The following SLC12A8 variants were observed in gnomAD, a reference collection of about 807,000 sequenced individuals.
SLC12A8 encodes the protein solute carrier family 12 member 8, also known as cation-chloride cotransporter 9.
A neutral mutation model predicts 75.6 loss-of-function variants in SLC12A8; 69 were observed. The observed-to-expected ratio is 0.91, with a 90% CI of 0.75 to 1.11. The LOEUF is 1.11. Among genes scored for constraint, SLC12A8 ranks in the 50% most tolerant of loss-of-function variants. The pLI is 0.00. For missense variants in SLC12A8, 877 were observed against 896.7 expected (o/e 0.98, Z 0.28); for synonymous variants, 365 against 372.8 (o/e 0.98, Z 0.24).
intron 5 of SLC12A8, among the ~76,000 whole-genome samples, chr3:125,161,365 CT>C (rs1560072133): frequency 6.6e-6 from 1 of 152,342 alleles, no homozygotes; most frequent in East Asian, 1.9e-4. Flanking sequence ...CTAAATTTGT[CT>C]TGCCTGGCGT....
intron 6 of SLC12A8, among the ~76,000 whole-genome samples, chr3:125,128,024 G>A (rs1933250790): frequency 6.6e-6 from 1 of 150,588 alleles, no homozygotes; most frequent in Non-Finnish European, 1.5e-5. Flanking sequence ...CTACAGGCAT[G>A]TACCATGCTT....
chr3:125,128,921 T>C (rs770856546), intron 6 of SLC12A8, among the ~76,000 whole-genome samples: 2 of 152,140 alleles, frequency 1.3e-5, no homozygotes, highest in South Asian at 4.1e-4. Flanking sequence ...AGCCAGCCAA[T>C]TGGAGGGCCC....
intron 5 of SLC12A8, among the ~76,000 whole-genome samples, chr3:125,166,946 G>C (rs901097404): frequency 1.3e-4 from 20 of 152,148 alleles, no homozygotes; most frequent in Admixed American, 1.2e-3. Context: ...ATGAGCCTCC[G>C]GACAGTGGTC....
rs1938385890 is a variant in SLC12A8, at chr3:125,083,719, CT to C, written c.*170del. 1 of 651,988 alleles carries C rather than the reference CT, an allele frequency of 1.5e-6. No homozygotes were observed. The allele number at this position is 651,988 out of a possible 1,614,324, so 40.4% of individuals were successfully genotyped here. Reference sequence around the variant, plus strand: ...CCTGGGTGACAGGGCGAGACTCTGTCTCAAAAAAAAAAAAAAAGGGAAAAGA... The same window carrying C: ...CCTGGGTGACAGGGCGAGACTCTGTCCAAAAAAAAAAAAAAAGGGAAAAGA... On this transcript the variant is annotated 3_prime_UTR_variant, in exon 14 of 14. Coordinates refer to ENST00000469902, the MANE Select transcript of SLC12A8 (RefSeq NM_024628.6).
chr3:125,094,384 T>A (rs112540333), intron 10 of SLC12A8, among the ~76,000 whole-genome samples: 89 of 152,330 alleles, frequency 5.8e-4, no homozygotes, highest in African/African-American at 1.9e-3. Context: ...TACTCTCTGA[T>A]AGAACAAATT....
intron 4 of SLC12A8, among the ~76,000 whole-genome samples, chr3:125,185,617 C>T (rs917910119): frequency 2.0e-5 from 3 of 152,178 alleles, no homozygotes; most frequent in East Asian, 1.9e-4. Context: ...ACTCAGTCTA[C>T]GAGGCCAGAA....
intron 5 of SLC12A8, among the ~76,000 whole-genome samples, chr3:125,167,525 C>T (rs1934315667): frequency 6.6e-6 from 1 of 152,156 alleles, no homozygotes; most frequent in African/African-American, 2.4e-5. Context: ...GTTATAGCCC[C>T]TCACCCAAAG....
At chr3:125,178,287 G>A (rs774725671) in intron 4 of SLC12A8, among the ~76,000 whole-genome samples, 2 of 152,130 alleles carry the variant, frequency 1.3e-5, no homozygotes, top group Non-Finnish European at 1.5e-5. Flanking sequence ...AGAGGCCTCC[G>A]GATTTCTCAG....
rs536286211 is a variant in SLC12A8 at position 125,122,833 on chromosome 3, C to T, written c.737-2147G>A. On this transcript the variant is annotated intron_variant, in intron 6 of 13. Transcript: ENST00000469902. Reference sequence around the variant, plus strand: ...CACGCATAAATAGAAACAGAACAACCCAGGCTGGAAGAAACATAAATCAGG... The same window carrying T: ...CACGCATAAATAGAAACAGAACAACTCAGGCTGGAAGAAACATAAATCAGG... Among the ~76,000 whole-genome samples, 3 of 152,118 alleles carry T rather than the reference C, an allele frequency of 2.0e-5. No homozygotes were observed. In the South Asian group the frequency reaches 6.2e-4, roughly 32 times the overall value.
rs1052620983 is a variant in SLC12A8 at position 125,177,810 on chromosome 3, C to T, written c.555G>A (p.Leu185=). ...TGGACACGGCCAGCAGGAACAGCAA[C>T]AGCAGCTGGAGGCGGATTATCCATT... ...GVKWIIRLQL[L]LLFLLAVSTL... Residue 185 remains leucine, a synonymous_variant, in exon 5 of 14, where the codon CTG becomes CTA. Coordinates refer to ENST00000469902, the MANE Select transcript of SLC12A8 (RefSeq NM_024628.6). 2 of 1,614,214 alleles carry T rather than the reference C, an allele frequency of 1.2e-6. No homozygotes were observed. Among genetic ancestry groups the T allele is most frequent in the Admixed American group, 1.7e-5 (1 of 60,020 alleles).
intron 5 of SLC12A8, chr3:125,154,974 T>C (rs1244245631): frequency 1.3e-5 from 2 of 152,240 alleles, no homozygotes; most frequent in East Asian, 1.9e-4. Context: ...CCAAGCCAGG[T>C]ACTAAGTGAC....
At chr3:125,113,242 G>A (rs562767344) in intron 8 of SLC12A8, among the ~76,000 whole-genome samples, 2 of 152,294 alleles carry the variant, frequency 1.3e-5, no homozygotes, top group African/African-American at 4.8e-5. Context: ...AGCCCTAGGA[G>A]CTGGGGTCAG....
At chr3:125,181,607 C>CAAAAACTCA (rs1934662411) in intron 4 of SLC12A8, among the ~76,000 whole-genome samples, 2 of 67,636 alleles carry the variant, frequency 3.0e-5, no homozygotes, top group Non-Finnish European at 5.2e-5. Context: ...GACTCCGTCT[C>CAAAAACTCA]AAAAAAAAAA....
chr3:125,202,721 T>C (rs974637530), intron 2 of SLC12A8, among the ~76,000 whole-genome samples: 1 of 151,470 alleles, frequency 6.6e-6, no homozygotes, highest in Non-Finnish European at 1.5e-5. Context: ...ACCTCTACAA[T>C]GAGAACTACG....
rs555156774 is a variant in SLC12A8 at position 125,131,931 on chromosome 3, G to T, written c.736+3738C>A. Among the ~76,000 whole-genome samples the T allele has an allele frequency of 3.5e-4, 53 of 152,240 alleles. 1 individual carries two copies. In the South Asian group the frequency reaches 9.6e-3, roughly 27 times the overall value. ...TCCCTGGCAGTACTGGTGGGGAGCC[G>T]GTAAGACCCCCAGAAGGAAAGGTTT... On this transcript the variant is annotated intron_variant, in intron 6 of 13. Coordinates refer to ENST00000469902, the MANE Select transcript of SLC12A8 (RefSeq NM_024628.6).
At chr3:125,109,593 T>C (rs1486136174) in intron 9 of SLC12A8, among the ~76,000 whole-genome samples, 1 of 152,232 alleles carries the variant, frequency 6.6e-6, no homozygotes, top group Non-Finnish European at 1.5e-5. Context: ...AATGGGATTC[T>C]CTGTTTATGT....
At chr3:125,095,753 G>A (rs1357211476) in intron 10 of SLC12A8, among the ~76,000 whole-genome samples, 1 of 152,224 alleles carries the variant, frequency 6.6e-6, no homozygotes, top group Non-Finnish European at 1.5e-5. Context: ...ACAAATGGCA[G>A]GAGCCTGGAT....
intron 5 of SLC12A8, among the ~76,000 whole-genome samples, chr3:125,141,840 C>T (rs1933647644): frequency 6.6e-6 from 1 of 151,682 alleles, no homozygotes; most frequent in Non-Finnish European, 1.5e-5. Context: ...GAATAGCCAG[C>T]GCGGAGGAAG....
intron 10 of SLC12A8, among the ~76,000 whole-genome samples, chr3:125,102,830 G>A (rs1031027850): frequency 6.6e-6 from 1 of 152,168 alleles, no homozygotes; most frequent in Non-Finnish European, 1.5e-5. Context: ...AGATGGAAAG[G>A]TGACCGTAGT....
Sources: allele counts gnomAD v4.1 joint callset (sites outside exome capture counted in the v4.1 genomes callset), GRCh38; gene constraint gnomAD v4.1.1; transcripts MANE v1.5; gene names NCBI Gene and HGNC (gene_info 2026-07-23, HGNC 2026-07-21).